ACAP1: variants seen among roughly 807,000 people sequenced by gnomAD.
ACAP1 encodes the protein ArfGAP with coiled-coil, ankyrin repeat and PH domains 1.
Under a neutral mutation model 98.8 loss-of-function variants are expected in ACAP1, and 45 were observed. The ratio of observed to expected loss-of-function variants is 0.46; its 90% CI spans 0.36 to 0.58. ACAP1 has a LOEUF of 0.58. Among genes scored for constraint, ACAP1 ranks in the 20% least tolerant of loss-of-function variants. The probability of loss-of-function intolerance (pLI) is 0.00; values close to 1 mark genes in which losing one functional copy is unlikely to be tolerated. For missense variants in ACAP1, 735 were observed against 971.4 expected (o/e 0.76, Z 3.24); for synonymous variants, 362 against 375.3 (o/e 0.96, Z 0.41).
rs1567632677 is a variant in ACAP1 at position 7,350,937 on chromosome 17, C to G, written c.2073-13C>G. On this transcript the variant is annotated splice_polypyrimidine_tract_variant and intron_variant, in intron 20 of 21. Transcript: ENST00000158762. The surrounding 1 kb of genome is among the most constrained non-coding windows in gnomAD (Gnocchi z 4.6). ...AGATAGTGTCGTTCATTTCTTAATT[C>G]CCTCCTCTTCAGGCTACGACTGGCA... The G allele has an allele frequency of 6.4e-7, 1 of 1,570,310 alleles. No homozygotes were observed. Among genetic ancestry groups the G allele is most frequent in the Non-Finnish European group, 8.7e-7 (1 of 1,153,636 alleles).
At chr17:7,347,862 C>G in intron 14 of ACAP1, 60 bp from the exon 15 acceptor site, 1 of 1,441,868 alleles carries the variant, frequency 6.9e-7, no homozygotes, top group Non-Finnish European at 9.8e-7. Flanking sequence ...GGAGCAGCAG[C>G]AGCTCCCCAG....
chr17:7,351,235 C>T, intron 21 of ACAP1, 60 bp from the exon 22 acceptor site: 1 of 1,432,264 alleles, frequency 7.0e-7, no homozygotes, highest in Non-Finnish European at 9.6e-7. Context: ...CCCCAACCGC[C>T]GGATCCTGCC....
At position 7,350,345 on chromosome 17, in the gene ACAP1, T is replaced by TG; in HGVS notation, c.2072+112dup. 1 of 867,772 alleles carries TG rather than the reference T, an allele frequency of 1.2e-6. No homozygotes were observed. Among genetic ancestry groups the TG allele is most frequent in the Non-Finnish European group, 1.7e-6 (1 of 574,974 alleles). The allele number at this position is 867,772 out of a possible 1,614,324, so 53.8% of individuals were successfully genotyped here. A position where few individuals can be genotyped will look rare whatever the true frequency, so the allele number is the denominator to read the frequency against. ...GACGCCGAAACAGAAGCCTGTGCTG[T>TG]GGGGCCTCGGAAAGGGGCTGGGCCA... On this transcript the variant is annotated intron_variant, in intron 20 of 21. Coordinates refer to ENST00000158762, the MANE Select transcript of ACAP1 (RefSeq NM_014716.4). This position sits in a 1 kb window ranked among gnomAD's most constrained non-coding sequence, Gnocchi z 4.6.
rs776165000 is a variant in ACAP1 at position 7,349,160 on chromosome 17, C to T, written c.1844C>T (p.Thr615Ile). ...AATGCCACACCGCTGATCCAGGCCA[C>T]AGCTGCTGTAAGAGCCCTGCTGACC... ...QDNATPLIQA[T>I]AANSLLACEF... Residue 615 changes from threonine to isoleucine, a missense_variant, in exon 18 of 22, where the codon ACA (threonine) becomes ATA (isoleucine). By Grantham distance (89) the Thr-to-Ile change is moderately conservative. Around this residue, in one of 5 missense-constraint regions of ACAP1, gnomAD observed 142 missense variants for 224.1 expected, o/e 0.63. Coordinates refer to ENST00000158762, the MANE Select transcript of ACAP1 (RefSeq NM_014716.4). The T allele has an allele frequency of 2.5e-6, 4 of 1,613,940 alleles. No homozygotes were observed. Among genetic ancestry groups the T allele is most frequent in the Non-Finnish European group, 3.4e-6 (4 of 1,179,962 alleles).
In ACAP1 at chr17:7,350,127, G is replaced by C. The variant is rs771992292; in HGVS notation, c.1962G>C (p.Gly654=). 1 of 1,614,186 alleles carries C rather than the reference G, an allele frequency of 6.2e-7. No individual in the cohort carries two copies. Among genetic ancestry groups the C allele is most frequent in the Non-Finnish European group, 8.5e-7 (1 of 1,180,004 alleles). The stretch of plus-strand genomic sequence containing the variant: ...GGCTGACCCTGGCTCTTCTCTCCAG[G>C]CTCGCCTGCCTGTTCCTGAAACGGG... The part of the protein sequence containing the change: ...LHHATILGHT[G]LACLFLKRGA... Residue 654 remains glycine (G), a splice_region_variant and synonymous_variant, in exon 20 of 22, where the codon GGG becomes GGC. Transcript: ENST00000158762. This position sits in a 1 kb window ranked among gnomAD's most constrained non-coding sequence, Gnocchi z 4.6.
chr17:7,346,181 A>C, intron 10 of ACAP1, 63 bp from the exon 11 acceptor site: 2 of 1,516,312 alleles, frequency 1.3e-6, no homozygotes, highest in South Asian at 2.3e-5. Context: ...CAAAAAGCAC[A>C]GCCTCTCTTC....
In ACAP1 at chr17:7,348,979, C is replaced by G. The variant is rs1260721945; in HGVS notation, c.1679-16C>G. ...CGGAGCTGCTTCCCCCTAACAGAAC[C>G]AAATCCCCCGAACAGAGCCCCCCTC... is the stretch of plus-strand genomic sequence containing the variant. On this transcript the variant is annotated splice_polypyrimidine_tract_variant and intron_variant, in intron 17 of 21. Transcript: ENST00000158762. 12 of 1,610,442 alleles carry G rather than the reference C, an allele frequency of 7.5e-6. No homozygotes were observed. Among genetic ancestry groups the G allele is most frequent in the Non-Finnish European group, 9.3e-6 (11 of 1,178,810 alleles).
chr17:7,338,864 G>A (rs944292280), intron 2 of ACAP1, among the ~76,000 whole-genome samples: 1 of 151,668 alleles, frequency 6.6e-6, no homozygotes, highest in Non-Finnish European at 1.5e-5. Flanking sequence ...TTTATTTTGA[G>A]TAAATTATTG....
chr17:7,338,018 GT>G (rs2073238689), intron 2 of ACAP1, among the ~76,000 whole-genome samples: 1 of 152,106 alleles, frequency 6.6e-6, no homozygotes, highest in African/African-American at 2.4e-5. Context: ...AGACAGTAAG[GT>G]GTCCCCTGAG....
intron 17 of ACAP1, 72 bp from the exon 18 acceptor site, chr17:7,348,923 G>A: frequency 7.1e-7 from 1 of 1,404,112 alleles, no homozygotes; most frequent in South Asian, 1.2e-5. Flanking sequence ...TTATAGCATT[G>A]GGACACTGCT....
At chr17:7,337,842 AG>A (rs2073237132) in intron 2 of ACAP1, among the ~76,000 whole-genome samples, 1 of 151,732 alleles carries the variant, frequency 6.6e-6, no homozygotes, top group African/African-American at 2.4e-5. Flanking sequence ...CGACAGAGCG[AG>A]ACTCTGTGTC....
rs771018515 is a variant in ACAP1 at position 7,346,797 on chromosome 17, C to T, written c.1008-11C>T. The stretch of plus-strand genomic sequence containing the variant: ...AGACCCCTCTGCCATCTCCCTCACC[C>T]TCCTACCTAGGTCCTGCCTCCTCCA... On this transcript the variant is annotated splice_polypyrimidine_tract_variant and intron_variant, in intron 12 of 21. Coordinates refer to ENST00000158762, the MANE Select transcript of ACAP1 (RefSeq NM_014716.4). 5.0e-6 allele frequency: 8 copies of T among 1,609,912 alleles called. No individual in the cohort carries two copies. Among genetic ancestry groups the T allele is most frequent in the Non-Finnish European group, 6.8e-6 (8 of 1,177,064 alleles).
In ACAP1 at chr17:7,342,446, C is replaced by A. The variant is rs773215239; in HGVS notation, c.316C>A (p.Gln106Lys). Residue 106 changes from glutamine to lysine, a missense_variant, in exon 5 of 22, where the codon CAG (glutamine) becomes AAG (lysine). Around this residue, in one of 5 missense-constraint regions of ACAP1, gnomAD observed 430 missense variants for 531.8 expected, o/e 0.81. Coordinates refer to ENST00000158762, the MANE Select transcript of ACAP1 (RefSeq NM_014716.4). ...ELLDATQHTLQQQIQTLVKEG... is the reference protein window; with the variant it reads ...ELLDATQHTLKQQIQTLVKEG... ...TCTAGATGCCACCCAACACACACTG[C>A]AGCAGCAGATCCAGACCCTGGTCAA... is the stretch of plus-strand genomic sequence containing the variant. 8.1e-6 allele frequency: 13 copies of A among 1,614,036 alleles called. No individual in the cohort carries two copies. Among genetic ancestry groups the A allele is most frequent in the Middle Eastern group, 1.6e-4 (1 of 6,082 alleles).
rs1567632646 is a variant in ACAP1, at chr17:7,350,852, C to T, written c.2073-98C>T. On this transcript the variant is annotated intron_variant, in intron 20 of 21. Transcript: ENST00000158762. This position sits in a 1 kb window ranked among gnomAD's most constrained non-coding sequence, Gnocchi z 4.6. ...GTCTCGATCTCCTGACCTCGTGATC[C>T]GCCTGCCTCGGCCTCCCAAAGTGTT... 3.4e-6 allele frequency: 4 copies of T among 1,193,868 alleles called. No individual in the cohort carries two copies. The highest frequency in any genetic ancestry group is 1.2e-5 in the South Asian group (1 of 80,064). The allele number at this position is 1,193,868 out of a possible 1,614,324, so 74.0% of individuals were successfully genotyped here.
At chr17:7,337,162 G>A (rs891093663) in intron 1 of ACAP1, 150 bp from the exon 2 acceptor site, 10 of 746,256 alleles carry the variant, frequency 1.3e-5, no homozygotes, top group East Asian at 2.5e-5. Context: ...ACTGCAGAGC[G>A]GGCAGAGCAC....
rs908215317 is a variant in ACAP1, at chr17:7,336,777, C to A, written c.43C>A (p.Pro15Thr). Reference protein sequence around the residue: ...LDFEECLKDSPRFRASIELVE... With the variant: ...LDFEECLKDSTRFRASIELVE... ...TTTCGAGGAGTGTCTCAAGGACTCA[C>A]CCCGTTTCCGGTAAGTGTGAACTGG... Residue 15 changes from proline to threonine, a missense_variant, in exon 1 of 22, where the codon CCC becomes ACC. Pro to Thr is a conservative substitution (Grantham distance 38). Around this residue, in one of 5 missense-constraint regions of ACAP1, gnomAD observed 430 missense variants for 531.8 expected, o/e 0.81. Transcript: ENST00000158762. 5 of 1,613,814 alleles carry A rather than the reference C, an allele frequency of 3.1e-6. No individual in the cohort carries two copies. The highest frequency in any genetic ancestry group is 1.3e-5 in the African/African-American group (1 of 74,916).
rs1336470492 is a variant in ACAP1 at position 7,336,560 on chromosome 17, C to G, written c.-175C>G. Reference sequence around the variant, plus strand: ...GCCTGGAAGTGTGGGGTGAGAGCTCCTCCTAGGACACCCCTTTCCCCTTGG... The same window carrying G: ...GCCTGGAAGTGTGGGGTGAGAGCTCGTCCTAGGACACCCCTTTCCCCTTGG... On this transcript the variant is annotated 5_prime_UTR_variant, in exon 1 of 22. Transcript: ENST00000158762. The G allele has an allele frequency of 1.4e-5, 9 of 659,752 alleles. No individual in the cohort carries two copies. The East Asian group carries it at 2.4e-4, about 18-fold the overall frequency. 40.9% of individuals were successfully genotyped at this position (659,752 alleles called of 1,614,324 possible).
Position 7,350,669 on chromosome 17 carries a change from C to G in ACAP1, c.2073-281C>G. 4 of 440,064 alleles carry G rather than the reference C, an allele frequency of 9.1e-6. No individual in the cohort carries two copies. The highest frequency in any genetic ancestry group is 4.6e-5 in the South Asian group (2 of 43,026). 27.3% of individuals were successfully genotyped at this position (440,064 alleles called of 1,614,324 possible). A position where few individuals can be genotyped will look rare whatever the true frequency, so the allele number is the denominator to read the frequency against. On this transcript the variant is annotated intron_variant, in intron 20 of 21. Transcript: ENST00000158762. This position sits in a 1 kb window ranked among gnomAD's most constrained non-coding sequence, Gnocchi z 4.6. ...TGTCGCCCAGGCTAGAGTGCAGGGG[C>G]GCGATCTCGGCTCACTGCAACCCCC...
Position 7,344,687 on chromosome 17 carries a change from A to G in ACAP1, c.854+39A>G, listed in dbSNP as rs747675012. ...ACCCCCAATCAGCCCGCCCCACCCA[A>G]TGATGTATTTTCGAGTGGTAATAGC... On this transcript the variant is annotated intron_variant, in intron 10 of 21. Transcript: ENST00000158762. This position sits in a 1 kb window ranked among gnomAD's most constrained non-coding sequence, Gnocchi z 4.9. The G allele has an allele frequency of 7.5e-6, 11 of 1,461,138 alleles. No individual in the cohort carries two copies. The highest frequency in any genetic ancestry group is 1.2e-5 in the South Asian group (1 of 82,208). 90.5% of individuals were successfully genotyped at this position (1,461,138 alleles called of 1,614,324 possible). A position where few individuals can be genotyped will look rare whatever the true frequency, so the allele number is the denominator to read the frequency against.
Sources: gnomAD v4.1 joint callset for allele counts (sites outside exome capture counted in the v4.1 genomes callset) on GRCh38, gnomAD v4.1.1 for gene constraint, gnomAD v4.1.1 regional missense constraint, Gnocchi (gnomAD v3.1) non-coding constraint, MANE v1.5 for transcripts, NCBI Gene and HGNC (gene_info 2026-07-23, HGNC 2026-07-21) for gene names.